WDR70: variants seen among roughly 807,000 people sequenced by gnomAD.
WDR70 encodes the protein WD repeat-containing protein 70.
In WDR70, 53 loss-of-function variants were observed where a neutral mutation model predicts 88.6. That is an observed-to-expected ratio of 0.60 (90% CI 0.48 to 0.75). The LOEUF (loss-of-function observed/expected upper bound fraction) is 0.75. Ranked by LOEUF, WDR70 falls within the 30% of genes least tolerant of loss-of-function variation. The pLI is 0.00. For missense variants in WDR70, 610 were observed against 823.2 expected (o/e 0.74, Z 3.17); for synonymous variants, 280 against 270.0 (o/e 1.04, Z -0.36).
chr5:37,613,974 G>T (rs1744259991), intron 10 of WDR70, among the ~76,000 whole-genome samples: 1 of 152,190 alleles, frequency 6.6e-6, no homozygotes, highest in Non-Finnish European at 1.5e-5. Flanking sequence ...ACCTGTTTTT[G>T]TATGGCAAGC....
intron 7 of WDR70, among the ~76,000 whole-genome samples, chr5:37,450,346 C>T (rs1356827185): frequency 6.6e-6 from 1 of 152,154 alleles, no homozygotes; most frequent in Admixed American, 6.5e-5. Flanking sequence ...TGGGATGTCA[C>T]TGCTCTTAGG....
intron 7 of WDR70, among the ~76,000 whole-genome samples, chr5:37,456,795 A>G (rs1445984951): frequency 6.6e-6 from 1 of 152,258 alleles, no homozygotes; most frequent in Non-Finnish European, 1.5e-5. Flanking sequence ...ACATTGTAAC[A>G]CACATTGAAA....
Position 37,700,792 on chromosome 5 carries a change from A to G in WDR70, c.1193-266A>G, listed in dbSNP as rs925624453. Among the ~76,000 whole-genome samples, 57 of 152,210 alleles carry G rather than the reference A, an allele frequency of 3.7e-4. 4 individuals are homozygous for G. ...CAGATGCTACATCTATCTGGAAAGT[A>G]ATTTCCAGAAGCCCAATTCATTATC... is the stretch of plus-strand genomic sequence containing the variant. On this transcript the variant is annotated intron_variant, in intron 11 of 17. Coordinates refer to ENST00000265107, the MANE Select transcript of WDR70 (RefSeq NM_018034.4).
chr5:37,733,162 G>T (rs1748200737), intron 17 of WDR70, among the ~76,000 whole-genome samples: 1 of 152,056 alleles, frequency 6.6e-6, no homozygotes, highest in Non-Finnish European at 1.5e-5. Context: ...GCCTCTTCTA[G>T]CTTCTAGAGG....
intron 9 of WDR70, among the ~76,000 whole-genome samples, chr5:37,567,524 C>G (rs190967739): frequency 6.6e-6 from 1 of 152,196 alleles, no homozygotes; most frequent in Non-Finnish European, 1.5e-5. Context: ...TATGTTAACT[C>G]TTTTTTTCCA....
intron 9 of WDR70, among the ~76,000 whole-genome samples, chr5:37,603,491 G>T (rs540612241): frequency 6.6e-6 from 1 of 152,208 alleles, no homozygotes; most frequent in South Asian, 2.1e-4. Context: ...TGTAAGACCT[G>T]AAACTGTAAA....
At chr5:37,457,595 G>A (rs1279306422) in intron 7 of WDR70, among the ~76,000 whole-genome samples, 1 of 152,162 alleles carries the variant, frequency 6.6e-6, no homozygotes, top group Non-Finnish European at 1.5e-5. Flanking sequence ...ATCCACATAT[G>A]TGGAAATGAT....
chr5:37,445,443 C>T (rs1443220140), intron 7 of WDR70, among the ~76,000 whole-genome samples: 1 of 151,204 alleles, frequency 6.6e-6, no homozygotes, highest in Admixed American at 6.6e-5. Context: ...GCATTTATTT[C>T]CTGGCATCTT....
chr5:37,545,816 G>GC (rs1419932318), intron 9 of WDR70, among the ~76,000 whole-genome samples: 1 of 152,092 alleles, frequency 6.6e-6, no homozygotes, highest in Non-Finnish European at 1.5e-5. Flanking sequence ...GAGCCACGAC[G>GC]CCCAGCCAAG....
At chr5:37,448,587 T>A (rs1168437506) in intron 7 of WDR70, among the ~76,000 whole-genome samples, 1 of 152,244 alleles carries the variant, frequency 6.6e-6, no homozygotes, top group Non-Finnish European at 1.5e-5. Context: ...TATTTTTAAA[T>A]TTATAGATAA....
chr5:37,450,916 G>C (rs780962750), intron 7 of WDR70, among the ~76,000 whole-genome samples: 6 of 151,934 alleles, frequency 3.9e-5, no homozygotes, highest in Admixed American at 1.3e-4. Context: ...GTGTTTTTTT[G>C]AGATGGAGTT....
intron 7 of WDR70, among the ~76,000 whole-genome samples, chr5:37,467,073 A>G (rs992896544): frequency 6.6e-6 from 1 of 151,912 alleles, no homozygotes; most frequent in East Asian, 1.9e-4. Flanking sequence ...TTGTCTCTAC[A>G]AAAATTAGCT....
chr5:37,608,563 G>A (rs200848976), intron 10 of WDR70, among the ~76,000 whole-genome samples: 2 of 118,790 alleles, frequency 1.7e-5, no homozygotes, highest in South Asian at 2.6e-4. Context: ...TTTTTTTTTT[G>A]TTTAACTTTT....
intron 5 of WDR70, among the ~76,000 whole-genome samples, chr5:37,431,824 T>A (rs539726004): frequency 6.6e-6 from 1 of 152,378 alleles, no homozygotes; most frequent in African/African-American, 2.4e-5. Context: ...TTTTTCTAAC[T>A]GATGTATTTT....
intron 13 of WDR70, among the ~76,000 whole-genome samples, chr5:37,710,659 A>G (rs1397747150): frequency 6.6e-6 from 1 of 152,218 alleles, no homozygotes; most frequent in Non-Finnish European, 1.5e-5. Context: ...TGAATAAAAT[A>G]CCAAATTTTA....
At position 37,567,575 on chromosome 5, in the gene WDR70, T is replaced by C. The variant is rs567141924; in HGVS notation, c.918-37489T>C. ...TGAGCAACCCCCCAAAGATGCATTGTATTGCTGTGTCTCATGGGCTTTTTC... is the reference window on the plus strand; with the variant it reads ...TGAGCAACCCCCCAAAGATGCATTGCATTGCTGTGTCTCATGGGCTTTTTC... On this transcript the variant is annotated intron_variant, in intron 9 of 17. Transcript: ENST00000265107. Among the ~76,000 whole-genome samples the C allele has an allele frequency of 1.2e-4, 19 of 152,296 alleles. No individual in the cohort carries two copies. The East Asian group carries it at 1.9e-3, about 15-fold the overall frequency.
chr5:37,656,113 G>C (rs1033030460), intron 10 of WDR70, among the ~76,000 whole-genome samples: 2 of 152,022 alleles, frequency 1.3e-5, no homozygotes, highest in African/African-American at 4.8e-5. Context: ...ATGCCCTTTG[G>C]ATGGGGTTTT....
At chr5:37,466,536 C>G (rs1739153529) in intron 7 of WDR70, among the ~76,000 whole-genome samples, 2 of 151,544 alleles carry the variant, frequency 1.3e-5, no homozygotes, top group Admixed American at 6.6e-5. Context: ...GAAACCCCAT[C>G]TCTATTAAAA....
chr5:37,534,167 A>G (rs888296999), intron 9 of WDR70, among the ~76,000 whole-genome samples: 2 of 152,110 alleles, frequency 1.3e-5, no homozygotes. Context: ...AATACTGTTC[A>G]TGAACACTGT....
Sources: gnomAD v4.1 joint callset for allele counts (sites outside exome capture counted in the v4.1 genomes callset) on GRCh38, gnomAD v4.1.1 for gene constraint, MANE v1.5 for transcripts, NCBI Gene and HGNC (gene_info 2026-07-23, HGNC 2026-07-21) for gene names.